The following ARSG variants were observed in gnomAD, a reference collection of about 807,000 sequenced individuals.
ARSG encodes the protein ASG.
In ARSG, 37 loss-of-function variants were observed where a neutral mutation model predicts 50.5. The ratio of observed to expected loss-of-function variants is 0.73; its 90% CI spans 0.56 to 0.96. The LOEUF is 0.96. Ranked by LOEUF, ARSG falls within the 50% of genes least tolerant of loss-of-function variation. The probability of loss-of-function intolerance (pLI) is 0.00; values close to 1 mark genes in which losing one functional copy is unlikely to be tolerated. For missense variants in ARSG, 629 were observed against 675.3 expected (o/e 0.93, Z 0.76); for synonymous variants, 225 against 254.6 (o/e 0.88, Z 1.11).
At chr17:68,423,703 T>C (rs1256970392), downstream of ARSG, among the ~76,000 whole-genome samples, 2 of 152,186 alleles carry the variant, frequency 1.3e-5, no homozygotes, top group Admixed American at 6.5e-5. This position sits in a 1 kb window ranked among gnomAD's most constrained non-coding sequence, Gnocchi z 4.4. Context: ...ACAAACTTTC[T>C]TACTGGTTCT....
At chr17:68,317,825 G>A (rs1053059997) in intron 2 of ARSG, among the ~76,000 whole-genome samples, 3 of 152,200 alleles carry the variant, frequency 2.0e-5, no homozygotes, top group East Asian at 1.9e-4. Flanking sequence ...TTGGCCAGGC[G>A]CAGCAGCTCA....
intron 1 of ARSG, among the ~76,000 whole-genome samples, chr17:68,298,870 C>T (rs781921415): frequency 5.3e-5 from 8 of 152,010 alleles, no homozygotes; most frequent in Non-Finnish European, 8.8e-5. Flanking sequence ...CTTATCACCC[C>T]TCCAAAGGCC....
At chr17:68,366,255 TA>T (rs2079543258) in intron 6 of ARSG, among the ~76,000 whole-genome samples, 1 of 151,764 alleles carries the variant, frequency 6.6e-6, no homozygotes, top group African/African-American at 2.4e-5. Flanking sequence ...TAAAATAAAA[TA>T]AAATTTATTT....
chr17:68,421,667 G>T, downstream of ARSG: 2 of 1,511,272 alleles, frequency 1.3e-6, no homozygotes, highest in Non-Finnish European at 1.8e-6. Context: ...CGGGATTCCT[G>T]CCCCCCTTTC....
At chr17:68,323,628 C>T (rs2077382144) in intron 2 of ARSG, among the ~76,000 whole-genome samples, 1 of 152,130 alleles carries the variant, frequency 6.6e-6, no homozygotes, top group South Asian at 2.1e-4. Flanking sequence ...ATCTAATTAC[C>T]ACCTAAAGGG....
intron 2 of ARSG, among the ~76,000 whole-genome samples, chr17:68,340,909 T>C (rs1474690995): frequency 6.6e-6 from 1 of 152,222 alleles, no homozygotes; most frequent in Non-Finnish European, 1.5e-5. Flanking sequence ...ATATTAATTT[T>C]AACATTATAG....
At chr17:68,426,470 G>A (rs1378471763), downstream of ARSG, among the ~76,000 whole-genome samples, 2 of 151,970 alleles carry the variant, frequency 1.3e-5, no homozygotes, top group Admixed American at 6.6e-5. Context: ...TGAGCCTAAG[G>A]GATCCTTCTG....
intron 10 of ARSG, among the ~76,000 whole-genome samples, chr17:68,397,855 C>T (rs1199623024): frequency 6.6e-6 from 1 of 152,118 alleles, no homozygotes; most frequent in African/African-American, 2.4e-5. Context: ...CAACCTCCAC[C>T]TCCTGGGTTC....
chr17:68,422,959 C>A, downstream of ARSG, among the ~76,000 whole-genome samples: 1 of 152,056 alleles, frequency 6.6e-6, no homozygotes, highest in Non-Finnish European at 1.5e-5. Flanking sequence ...AAAAGTAAAT[C>A]CCAAGGAGGC....
rs552783515 is a variant in ARSG, at chr17:68,419,940, C to T, written c.1304-249C>T. On this transcript the variant is annotated intron_variant, in intron 11 of 11. Coordinates refer to ENST00000621439, the MANE Select transcript of ARSG (RefSeq NM_001267727.2). ...CGCTACTGCATTCCAGCCTGGGCAACGAAGCCAGACCCTGCCTCAAAAAAC... is the reference window on the plus strand; with the variant it reads ...CGCTACTGCATTCCAGCCTGGGCAATGAAGCCAGACCCTGCCTCAAAAAAC... Among the ~76,000 whole-genome samples the T allele has an allele frequency of 2.3e-4, 35 of 152,136 alleles. 1 individual carries two copies. In the South Asian group the frequency reaches 2.7e-3, roughly 12 times the overall value.
intron 2 of ARSG, among the ~76,000 whole-genome samples, chr17:68,326,306 G>A (rs1194152168): frequency 1.3e-5 from 2 of 152,218 alleles, no homozygotes; most frequent in Non-Finnish European, 2.9e-5. Context: ...GGAGACCAGA[G>A]CAGAGTGATC....
At position 68,378,400 on chromosome 17, in the gene ARSG, C is replaced by G. The variant is rs373619198; in HGVS notation, c.983-6664C>G. Reference sequence around the variant, plus strand: ...CTTGTCTTCCCTTTCCTTTCCTGGCCGAGCCGCCCAGCTCAGCTGATGGGA... The same window carrying G: ...CTTGTCTTCCCTTTCCTTTCCTGGCGGAGCCGCCCAGCTCAGCTGATGGGA... On this transcript the variant is annotated intron_variant, in intron 8 of 11. Transcript: ENST00000621439. The surrounding 1 kb of genome is among the most constrained non-coding windows in gnomAD (Gnocchi z 4.4). 6.6e-6 allele frequency among the ~76,000 whole-genome samples: 1 copy of G among 152,190 alleles called. No individual in the cohort carries two copies. Among genetic ancestry groups the G allele is most frequent in the Non-Finnish European group, 1.5e-5 (1 of 68,034 alleles).
chr17:68,260,865 G>C (rs1399539799), intron 1 of ARSG, among the ~76,000 whole-genome samples: 6 of 152,154 alleles, frequency 3.9e-5, no homozygotes, highest in African/African-American at 1.4e-4. Flanking sequence ...GAAAAAAAAA[G>C]TCTACTGGAA....
intron 4 of ARSG, among the ~76,000 whole-genome samples, chr17:68,350,678 A>G (rs201187137): frequency 1.3e-5 from 2 of 152,192 alleles, no homozygotes; most frequent in African/African-American, 2.4e-5. Flanking sequence ...CCAGCTACTC[A>G]GGAGGCTGAG....
Position 68,420,474 on chromosome 17 carries a change from T to C in ARSG, c.*11T>C. ...TGTCAAGCCGCATAACAGACCAATT[T>C]TTATTCCACGAGGAGGAGTACCTGG... On this transcript the variant is annotated 3_prime_UTR_variant, in exon 12 of 12. Transcript: ENST00000621439. The C allele has an allele frequency of 6.2e-7, 1 of 1,603,480 alleles. No individual in the cohort carries two copies. The highest frequency in any genetic ancestry group is 8.5e-7 in the Non-Finnish European group (1 of 1,172,014).
the ARSG span, among the ~76,000 whole-genome samples, chr17:68,447,563 A>G: frequency 1.3e-5 from 2 of 151,804 alleles, no homozygotes; most frequent in African/African-American, 4.8e-5. Context: ...TTTTTATAGT[A>G]AAGACCTAGT....
rs116365189 is a variant in ARSG, at chr17:68,270,979, A to T, written c.-552+11553A>T. On this transcript the variant is annotated intron_variant, in intron 1 of 11. Coordinates refer to the ARSG transcript ENST00000448504. ...AGTCCCTCCTATTGTTCCAACCATA[A>T]ACCCAAAAAATATGCTGCATGACAT... The T allele has an allele frequency of 1.8e-4, 292 of 1,614,188 alleles. No individual in the cohort carries two copies. In the African/African-American group the frequency reaches 3.3e-3, roughly 18 times the overall value.
chr17:68,323,173 T>C (rs117888804), intron 2 of ARSG, among the ~76,000 whole-genome samples: 5 of 152,182 alleles, frequency 3.3e-5, no homozygotes, highest in Non-Finnish European at 5.9e-5. Context: ...ATCCTATCAG[T>C]GTGACTTATA....
rs1326043587 is a variant in ARSG at position 68,320,570 on chromosome 17, C to T, written c.218+12859C>T. ...CTCTCCGGGGGGTGTTGCATTCTAG[C>T]AGTTGAGTATGGCAGGGCTGGGAGT... On this transcript the variant is annotated intron_variant, in intron 2 of 11. Coordinates refer to ENST00000621439, the MANE Select transcript of ARSG (RefSeq NM_001267727.2). Among the ~76,000 whole-genome samples, 3 of 152,112 alleles carry T rather than the reference C, an allele frequency of 2.0e-5. No homozygotes were observed. In the East Asian group the frequency reaches 5.8e-4, roughly 29 times the overall value.
Sources: gnomAD v4.1 joint callset for allele counts (sites outside exome capture counted in the v4.1 genomes callset) on GRCh38, gnomAD v4.1.1 for gene constraint, Gnocchi (gnomAD v3.1) non-coding constraint, MANE v1.5 for transcripts, NCBI Gene and HGNC (gene_info 2026-07-23, HGNC 2026-07-21) for gene names.